NEDD4L: variants seen among roughly 807,000 people sequenced by gnomAD.
NEDD4L encodes the protein E3 ubiquitin-protein ligase NEDD4-like.
NEDD4L carries 54 observed loss-of-function variants against 148.9 expected under a neutral mutation model. The observed-to-expected ratio is 0.36, with a 90% CI of 0.29 to 0.45. NEDD4L has a LOEUF of 0.45. Among genes scored for constraint, NEDD4L ranks in the 20% least tolerant of loss-of-function variants. NEDD4L has a pLI of 1.00. For missense variants in NEDD4L, 856 were observed against 1,233.8 expected (o/e 0.69, Z 4.59); for synonymous variants, 433 against 440.7 (o/e 0.98, Z 0.22).
At chr18:58,372,528 T>C (rs1403937811) in intron 23 of NEDD4L, 2 of 152,178 alleles carry the variant, frequency 1.3e-5, no homozygotes, top group Admixed American at 1.3e-4. Context: ...GGCTGGTCTC[T>C]AACTCCTGGG....
chr18:58,211,909 T>C (rs1463235463), intron 2 of NEDD4L, among the ~76,000 whole-genome samples: 1 of 152,210 alleles, frequency 6.6e-6, no homozygotes, highest in Non-Finnish European at 1.5e-5. Context: ...ACCAGTTCTT[T>C]ATCTGGAGAG....
At chr18:58,296,927 A>C (rs1189391269) in intron 5 of NEDD4L, among the ~76,000 whole-genome samples, 1 of 151,732 alleles carries the variant, frequency 6.6e-6, no homozygotes, top group African/African-American at 2.4e-5. Context: ...GTCTCAAAAA[A>C]AGAAAAAAAG....
At chr18:58,142,938 A>G (rs1337607789) in intron 1 of NEDD4L, among the ~76,000 whole-genome samples, 1 of 152,052 alleles carries the variant, frequency 6.6e-6, no homozygotes, top group Non-Finnish European at 1.5e-5. Flanking sequence ...GTCCTTAGCA[A>G]TGGAGGGAGG....
At chr18:58,141,500 T>A (rs533850172) in intron 1 of NEDD4L, among the ~76,000 whole-genome samples, 26 of 152,292 alleles carry the variant, frequency 1.7e-4, no homozygotes, top group African/African-American at 4.8e-4. Context: ...TTGTTTTTTT[T>A]AAAAAAACTT....
At chr18:58,222,450 C>A (rs1483989514) in intron 2 of NEDD4L, among the ~76,000 whole-genome samples, 1 of 152,162 alleles carries the variant, frequency 6.6e-6, no homozygotes, top group Non-Finnish European at 1.5e-5. Context: ...AAAGTCAAAG[C>A]CCAGAACATA....
At chr18:58,047,087 A>G (rs2081618198) in intron 1 of NEDD4L, 1 of 185,672 alleles carries the variant, frequency 5.4e-6, no homozygotes, top group African/African-American at 2.4e-5. Context: ...TGTAAGAAAA[A>G]CCAATGGAAG....
chr18:58,111,413 A>G (rs2085412155), intron 1 of NEDD4L, among the ~76,000 whole-genome samples: 1 of 152,122 alleles, frequency 6.6e-6, no homozygotes, highest in African/African-American at 2.4e-5. Flanking sequence ...TGTACGATAT[A>G]ACCATCACCC....
intron 1 of NEDD4L, among the ~76,000 whole-genome samples, chr18:58,128,798 A>T (rs979605124): frequency 1.3e-5 from 2 of 152,302 alleles, no homozygotes; most frequent in East Asian, 3.9e-4. Flanking sequence ...AGTCTCTTGG[A>T]TGTAGAGGGC....
chr18:58,130,407 A>G (rs1272348696), intron 1 of NEDD4L, among the ~76,000 whole-genome samples: 1 of 88,342 alleles, frequency 1.1e-5, no homozygotes, highest in Admixed American at 1.5e-4. Context: ...GGTTTGGTTG[A>G]CTGTGATCTA....
chr18:58,250,143 GTTTGTTTTGT>G (rs529802328), intron 4 of NEDD4L, among the ~76,000 whole-genome samples: 1 of 151,714 alleles, frequency 6.6e-6, no homozygotes, highest in Admixed American at 6.6e-5. Flanking sequence ...TTTTTTGTTT[GTTTGTTTTGT>G]TTTGTTTTGT....
chr18:58,356,696 A>C (rs146766840), intron 18 of NEDD4L, among the ~76,000 whole-genome samples: 50 of 152,338 alleles, frequency 3.3e-4, no homozygotes, highest in African/African-American at 1.0e-3. Context: ...TGAGTGACGC[A>C]TGTAATAGAT....
intron 18 of NEDD4L, chr18:58,351,286 TTTG>T (rs1568809479): frequency 3.4e-6 from 2 of 580,146 alleles, no homozygotes; most frequent in Non-Finnish European, 2.2e-6. Flanking sequence ...CGTGTTTTTT[TTTG>T]TTGTTGAATT....
chr18:58,301,995 C>G (rs1233684298), intron 5 of NEDD4L, among the ~76,000 whole-genome samples: 1 of 152,168 alleles, frequency 6.6e-6, no homozygotes, highest in Non-Finnish European at 1.5e-5. Flanking sequence ...TAGGGGGATT[C>G]ACTAAGAACT....
chr18:58,256,894 A>C lies in NEDD4L; in HGVS notation c.297+4840A>C, dbSNP rs1302645111. 1 of 925,174 alleles carries C rather than the reference A, an allele frequency of 1.1e-6. No homozygotes were observed. Among genetic ancestry groups the C allele is most frequent in the East Asian group, 3.3e-5 (1 of 30,330 alleles). 57.3% of individuals were successfully genotyped at this position (925,174 alleles called of 1,614,324 possible). On this transcript the variant is annotated intron_variant, in intron 5 of 30. Coordinates refer to ENST00000400345, the MANE Select transcript of NEDD4L (RefSeq NM_001144967.3). This position sits in a 1 kb window ranked among gnomAD's most constrained non-coding sequence, Gnocchi z 5.2. ...GAGTTTCCCTGCTTCAGGCCAGTGG[A>C]TCTGAATGTTTGGCCGAGTTCTGGC...
intron 2 of NEDD4L, among the ~76,000 whole-genome samples, chr18:58,204,220 C>T (rs1410939691): frequency 1.3e-5 from 2 of 151,838 alleles, no homozygotes; most frequent in Non-Finnish European, 1.5e-5. Context: ...CCCAGTTACT[C>T]GGGAGGCTGA....
At chr18:58,273,445 T>TG (rs2051378691) in intron 5 of NEDD4L, among the ~76,000 whole-genome samples, 2 of 152,222 alleles carry the variant, frequency 1.3e-5, no homozygotes, top group Non-Finnish European at 2.9e-5. Flanking sequence ...AGGAGGCCAC[T>TG]TTTGTTTTCC....
At chr18:58,378,356 G>A (rs993842302) in intron 24 of NEDD4L, among the ~76,000 whole-genome samples, 5 of 152,218 alleles carry the variant, frequency 3.3e-5, no homozygotes, top group Non-Finnish European at 1.5e-5. Context: ...GAATTAAAAG[G>A]TAGAGAAACA....
intron 2 of NEDD4L, among the ~76,000 whole-genome samples, chr18:58,224,056 T>A (rs1010571019): frequency 6.6e-6 from 1 of 152,162 alleles, no homozygotes; most frequent in Non-Finnish European, 1.5e-5. Flanking sequence ...CCCCTGCCCT[T>A]CAGACTAAGT....
chr18:58,149,947 G>T lies in NEDD4L; in HGVS notation c.49-15841G>T, dbSNP rs974567025. Among the ~76,000 whole-genome samples the T allele has an allele frequency of 5.3e-5, 8 of 152,124 alleles. No individual in the cohort carries two copies. In the East Asian group the frequency reaches 1.5e-3, roughly 29 times the overall value. On this transcript the variant is annotated intron_variant, in intron 1 of 30. Coordinates refer to ENST00000400345, the MANE Select transcript of NEDD4L (RefSeq NM_001144967.3). Reference sequence around the variant, plus strand: ...ATAGTGAGAAATGACACTCTGCTGTGGATGGTAATTTATTTCTGTGTAATT... The same window carrying T: ...ATAGTGAGAAATGACACTCTGCTGTTGATGGTAATTTATTTCTGTGTAATT...
Sources: allele counts gnomAD v4.1 joint callset (sites outside exome capture counted in the v4.1 genomes callset), GRCh38; gene constraint gnomAD v4.1.1; non-coding constraint Gnocchi (gnomAD v3.1); transcripts MANE v1.5; gene names NCBI Gene and HGNC (gene_info 2026-07-23, HGNC 2026-07-21).